Variants in C9 observed in about 807,000 individuals in gnomAD.
C9 encodes complement C9, also known as complement component C9.
A neutral mutation model predicts 65.4 loss-of-function variants in C9; 63 were observed. The observed-to-expected ratio is 0.96, with a 90% CI of 0.79 to 1.19. The LOEUF is 1.19. Among genes scored for constraint, C9 ranks in the 50% most tolerant of loss-of-function variants. The probability of loss-of-function intolerance (pLI) is 0.00; values close to 1 mark genes in which losing one functional copy is unlikely to be tolerated. For missense variants in C9, 744 were observed against 670.1 expected (o/e 1.11, Z -1.22); for synonymous variants, 229 against 227.9 (o/e 1.00, Z -0.04).
At chr5:39,319,930 G>A (rs977128208) in intron 5 of C9, among the ~76,000 whole-genome samples, 4 of 152,138 alleles carry the variant, frequency 2.6e-5, no homozygotes, top group Admixed American at 6.5e-5. Context: ...AACCAATCAC[G>A]TCTACCCAAG....
At chr5:39,287,616 A>G (rs1753013795) in intron 10 of C9, among the ~76,000 whole-genome samples, 1 of 152,114 alleles carries the variant, frequency 6.6e-6, no homozygotes. Context: ...AATGTGGTAC[A>G]TATGTACCAT....
At chr5:39,341,075 C>G in intron 4 of C9, 71 bp downstream of exon 4, 2 of 1,524,680 alleles carry the variant, frequency 1.3e-6, no homozygotes, top group Non-Finnish European at 1.8e-6. Flanking sequence ...TTCTACCAGT[C>G]TATCACAATG....
chr5:39,306,759 ACAT>A lies in C9; in HGVS notation c.1271_1273del (p.Asp424del), dbSNP rs1471443595. 1 of 1,612,640 alleles carries A rather than the reference ACAT, an allele frequency of 6.2e-7. No individual in the cohort carries two copies. Among genetic ancestry groups the A allele is most frequent in the African/African-American group, 1.3e-5 (1 of 74,902 alleles). ...GGTTCCACCTCTTATGAGTGAAACAACATCATCTATGAGGTTTTCACTGGTGAT... is the reference window on the plus strand; with the variant it reads ...GGTTCCACCTCTTATGAGTGAAACAACATCTATGAGGTTTTCACTGGTGAT... On this transcript the variant is annotated inframe_deletion, in exon 9 of 11. Coordinates refer to ENST00000263408, the MANE Select transcript of C9 (RefSeq NM_001737.5).
intron 10 of C9, among the ~76,000 whole-genome samples, chr5:39,287,528 A>G (rs1360936791): frequency 6.6e-6 from 1 of 152,064 alleles, no homozygotes; most frequent in Admixed American, 6.6e-5. Flanking sequence ...GCAATAGCAC[A>G]TATTTACAAT....
At chr5:39,328,437 A>T (rs1753788613) in intron 5 of C9, among the ~76,000 whole-genome samples, 1 of 152,186 alleles carries the variant, frequency 6.6e-6, no homozygotes, top group Non-Finnish European at 1.5e-5. Flanking sequence ...ACTCAGTTGA[A>T]ATTATAATGC....
chr5:39,322,858 A>G (rs1412818892), intron 5 of C9, among the ~76,000 whole-genome samples: 1 of 152,114 alleles, frequency 6.6e-6, no homozygotes, highest in East Asian at 1.9e-4. Flanking sequence ...TCTAGAGATG[A>G]TTTAAATTAT....
chr5:39,362,444 AGGAGGGACCCTTCCCAGAGTATC>A (rs1349410836), intron 1 of C9, among the ~76,000 whole-genome samples: 2 of 152,344 alleles, frequency 1.3e-5, no homozygotes, highest in African/African-American at 4.8e-5. Flanking sequence ...ACCAGAAACT[AGGAGGGACCCTTCCCAGAGTATC>A]GGAGGGAGCA....
chr5:39,357,019 G>A (rs1754423838), intron 1 of C9, among the ~76,000 whole-genome samples: 1 of 152,096 alleles, frequency 6.6e-6, no homozygotes. Context: ...TCAAAGTGAT[G>A]TACATCAACA....
chr5:39,335,005 A>AG (rs780800045), intron 4 of C9, among the ~76,000 whole-genome samples: 1 of 151,648 alleles, frequency 6.6e-6, no homozygotes, highest in Non-Finnish European at 1.5e-5. Flanking sequence ...AAAAAAAAAA[A>AG]AAGAAATAAA....
chr5:39,348,589 C>T (rs561416575), intron 1 of C9, among the ~76,000 whole-genome samples: 5,441 of 152,188 alleles, frequency 0.036, 323 homozygotes, highest in African/African-American at 0.12. Context: ...TAAACTAGTT[C>T]AACCATTGTG....
chr5:39,291,227 T>C (rs943078532), intron 9 of C9, among the ~76,000 whole-genome samples: 4 of 151,164 alleles, frequency 2.6e-5, no homozygotes, highest in African/African-American at 9.7e-5. Context: ...CTGAAAATTT[T>C]AGCAAAGAAC....
chr5:39,297,412 A>G (rs1753204501), intron 9 of C9, among the ~76,000 whole-genome samples: 1 of 151,608 alleles, frequency 6.6e-6, no homozygotes, highest in African/African-American at 2.4e-5. Flanking sequence ...TTAAATGCAA[A>G]TGGATTTAAT....
At position 39,306,745 on chromosome 5, in the gene C9, T is replaced by C. The variant is rs747236990; in HGVS notation, c.1288A>G (p.Arg430Gly). 5 of 1,612,580 alleles carry C rather than the reference T, an allele frequency of 3.1e-6. No homozygotes were observed. The East Asian group carries it at 6.7e-5, about 22-fold the overall frequency. ...NLIDDVVSLI[R>G]GGTRKYAFEL... ...AATGCATATTTTCTGGTTCCACCTC[T>C]TATGAGTGAAACAACATCATCTATG... Residue 430 changes from arginine (R) to glycine (G), a missense_variant, in exon 9 of 11, where the codon AGA becomes GGA. Physicochemically the swap from Arg to Gly is moderately radical, Grantham distance 125. Transcript: ENST00000263408.
intron 5 of C9, among the ~76,000 whole-genome samples, chr5:39,322,050 G>A (rs1438998697): frequency 6.6e-6 from 1 of 151,960 alleles, no homozygotes; most frequent in African/African-American, 2.4e-5. Context: ...CATAATACAT[G>A]TTTTTATCAA....
At chr5:39,349,781 G>C (rs1403110620) in intron 1 of C9, among the ~76,000 whole-genome samples, 1 of 152,008 alleles carries the variant, frequency 6.6e-6, no homozygotes, top group Non-Finnish European at 1.5e-5. Flanking sequence ...CTCTTCTCTT[G>C]GATTATAGGG....
chr5:39,343,381 T>G (rs1459190274), intron 1 of C9, among the ~76,000 whole-genome samples: 1 of 152,170 alleles, frequency 6.6e-6, no homozygotes, highest in African/African-American at 2.4e-5. Flanking sequence ...GGAGATTATA[T>G]CCTGCACCTG....
At chr5:39,346,972 C>A (rs1754209787) in intron 1 of C9, among the ~76,000 whole-genome samples, 1 of 152,096 alleles carries the variant, frequency 6.6e-6, no homozygotes, top group Non-Finnish European at 1.5e-5. Flanking sequence ...AATTCAACAG[C>A]CCTTCATGCT....
chr5:39,291,261 G>C (rs948411936), intron 9 of C9, among the ~76,000 whole-genome samples: 1 of 151,100 alleles, frequency 6.6e-6, no homozygotes, highest in African/African-American at 2.4e-5. Flanking sequence ...AAATAGATTT[G>C]AAAAAAAGAA....
Position 39,315,914 on chromosome 5 carries a change from G to A in C9, c.731C>T (p.Thr244Ile). 2 of 1,612,458 alleles carry A rather than the reference G, an allele frequency of 1.2e-6. No homozygotes were observed. Among genetic ancestry groups the A allele is most frequent in the African/African-American group, 2.7e-5 (2 of 74,984 alleles). Residue 244 changes from threonine to isoleucine, a missense_variant, in exon 6 of 11, where the codon ACA becomes ATA. Transcript: ENST00000263408. ...NFNAAISLKFTPTETNKAEQC... is the reference protein window; with the variant it reads ...NFNAAISLKFIPTETNKAEQC... ...TTCAGCTTTATTTGTTTCAGTGGGT[G>A]TAAATTTTAGAGATATAGCTGCATT... is the stretch of plus-strand genomic sequence containing the variant.
Sources: gnomAD v4.1 joint callset for allele counts (sites outside exome capture counted in the v4.1 genomes callset) on GRCh38, gnomAD v4.1.1 for gene constraint, MANE v1.5 for transcripts, NCBI Gene and HGNC (gene_info 2026-07-23, HGNC 2026-07-21) for gene names.